The following EPB41 variants were observed in gnomAD, a reference collection of about 807,000 sequenced individuals.
The protein encoded by EPB41 is erythrocyte membrane protein band 4.1.
In EPB41, 65 loss-of-function variants were observed where a neutral mutation model predicts 108.0. That is an observed-to-expected ratio of 0.60 (90% CI 0.49 to 0.74). EPB41 has a LOEUF of 0.74. EPB41 is among the 30% of genes least tolerant of loss of function. The pLI is 0.00. For missense variants in EPB41, 875 were observed against 1,037.0 expected (o/e 0.84, Z 2.15); for synonymous variants, 336 against 358.9 (o/e 0.94, Z 0.72).
intron 16 of EPB41, among the ~76,000 whole-genome samples, chr1:29,066,264 C>A (rs1158768326): frequency 6.6e-6 from 1 of 151,804 alleles, no homozygotes; most frequent in Non-Finnish European, 1.5e-5. Context: ...ACTAAATATA[C>A]AAAAATTAGC....
At chr1:28,951,880 A>AAAAT (rs1431438068) in intron 1 of EPB41, among the ~76,000 whole-genome samples, 13 of 152,112 alleles carry the variant, frequency 8.5e-5, no homozygotes, top group Non-Finnish European at 1.2e-4. Flanking sequence ...ACCCTGTCTC[A>AAAAT]AAATAAATAA....
At chr1:28,963,971 C>T (rs964007403) in intron 1 of EPB41, among the ~76,000 whole-genome samples, 4 of 152,208 alleles carry the variant, frequency 2.6e-5, no homozygotes, top group Non-Finnish European at 1.5e-5. Context: ...TTCTTCAGTA[C>T]TTCTTGAATC....
chr1:29,048,663 C>T (rs769304785), intron 11 of EPB41, among the ~76,000 whole-genome samples: 5 of 152,128 alleles, frequency 3.3e-5, no homozygotes, highest in Admixed American at 6.5e-5. Flanking sequence ...GAAGGGAATC[C>T]GGGACAATTC....
intron 5 of EPB41, 65 bp from the exon 6 acceptor site, chr1:29,015,627 G>T: frequency 1.1e-6 from 1 of 916,042 alleles, no homozygotes; most frequent in Non-Finnish European, 1.8e-6. Context: ...TGAATATTTT[G>T]AGGTACTTCC....
At chr1:29,027,828 A>G (rs1468040574) in intron 7 of EPB41, among the ~76,000 whole-genome samples, 1 of 151,856 alleles carries the variant, frequency 6.6e-6, no homozygotes. Context: ...ATCTCCCCTT[A>G]TTTATTTATT....
chr1:29,108,239 C>T (rs1244445363), intron 17 of EPB41, among the ~76,000 whole-genome samples: 1 of 150,146 alleles, frequency 6.7e-6, no homozygotes, highest in African/African-American at 2.5e-5. Flanking sequence ...ACCTCTGCCT[C>T]CTGGGTTCAA....
chr1:29,098,019 G>T (rs979992181), intron 17 of EPB41, 84 bp downstream of exon 17: 3 of 1,582,108 alleles, frequency 1.9e-6, no homozygotes, highest in Non-Finnish European at 2.6e-6. Flanking sequence ...GTCATTTATC[G>T]CCAAGAATAC....
chr1:28,999,560 C>T lies in EPB41; in HGVS notation c.786+2241C>T, dbSNP rs114069430. 8.2e-3 allele frequency among the ~76,000 whole-genome samples: 1,253 copies of T among 152,136 alleles called. 16 individuals are homozygous for T. The highest frequency in any genetic ancestry group is 0.023 in the African/African-American group (951 of 41,486). On this transcript the variant is annotated intron_variant, in intron 4 of 20. Transcript: ENST00000343067. ...GGCATGTAAAGTCACCAAGTACCTA[C>T]GTGTTTAATATGGCTGGAAATATTT...
At chr1:28,916,827 G>A (rs1268913312) in intron 1 of EPB41, among the ~76,000 whole-genome samples, 1 of 150,178 alleles carries the variant, frequency 6.7e-6, no homozygotes, top group Non-Finnish European at 1.5e-5. Context: ...GTCTCATTCT[G>A]TCACCCAGGC....
At chr1:28,980,061 T>G (rs560613225) in intron 1 of EPB41, among the ~76,000 whole-genome samples, 4 of 152,194 alleles carry the variant, frequency 2.6e-5, no homozygotes, top group Non-Finnish European at 5.9e-5. Context: ...AAAAGTGCAT[T>G]GTGGCAGGTT....
chr1:28,993,068 A>G (rs1236243039), intron 2 of EPB41, among the ~76,000 whole-genome samples: 3 of 152,168 alleles, frequency 2.0e-5, no homozygotes, highest in Non-Finnish European at 4.4e-5. Flanking sequence ...TAATGCTGAG[A>G]GCAATGGATT....
At chr1:29,002,458 A>G (rs2096314206) in intron 4 of EPB41, among the ~76,000 whole-genome samples, 1 of 152,080 alleles carries the variant, frequency 6.6e-6, no homozygotes, top group Non-Finnish European at 1.5e-5. Flanking sequence ...CTCAAAAAAA[A>G]AAAAAAGATA....
chr1:28,966,516 C>T (rs1421305413), intron 1 of EPB41, among the ~76,000 whole-genome samples: 1 of 152,172 alleles, frequency 6.6e-6, no homozygotes, highest in African/African-American at 2.4e-5. Context: ...ATGGAGTTTA[C>T]ATTCTAGTGG....
At chr1:28,894,784 G>A (rs1482387999) in intron 1 of EPB41, among the ~76,000 whole-genome samples, 2 of 152,176 alleles carry the variant, frequency 1.3e-5, no homozygotes. Context: ...GGAAGGAGTT[G>A]ATGAGAAGAG....
intron 1 of EPB41, among the ~76,000 whole-genome samples, chr1:28,900,480 G>A (rs1258912810): frequency 2.0e-5 from 3 of 151,892 alleles, no homozygotes; most frequent in Admixed American, 2.0e-4. Flanking sequence ...TAGAGATGGG[G>A]TTTCACCATG....
intron 1 of EPB41, among the ~76,000 whole-genome samples, chr1:28,946,179 T>G (rs1345087259): frequency 6.6e-6 from 1 of 152,200 alleles, no homozygotes; most frequent in Admixed American, 6.5e-5. Flanking sequence ...GAGAAGAACC[T>G]TAACATTGTC....
intron 16 of EPB41, among the ~76,000 whole-genome samples, chr1:29,080,408 TTTC>T (rs1656070449): frequency 6.7e-6 from 1 of 148,938 alleles, no homozygotes; most frequent in Non-Finnish European, 1.5e-5. Context: ...GGCCCCTTTT[TTTC>T]TTTTTTTTTT....
At chr1:28,908,102 C>A (rs1248606811) in intron 1 of EPB41, among the ~76,000 whole-genome samples, 1 of 151,464 alleles carries the variant, frequency 6.6e-6, no homozygotes, top group Non-Finnish European at 1.5e-5. Context: ...GTAAATACCT[C>A]ATAAATCTAG....
chr1:29,061,780 A>G (rs141629049), intron 15 of EPB41, among the ~76,000 whole-genome samples: 3 of 149,792 alleles, frequency 2.0e-5, no homozygotes, highest in Non-Finnish European at 3.0e-5. Context: ...GGATCTCAGT[A>G]TGTTGCCCAG....
Sources: allele counts gnomAD v4.1 joint callset (sites outside exome capture counted in the v4.1 genomes callset), GRCh38; gene constraint gnomAD v4.1.1; transcripts MANE v1.5; gene names NCBI Gene and HGNC (gene_info 2026-07-23, HGNC 2026-07-21).